Variants in CCDC6 observed in about 807,000 individuals in gnomAD.
The protein encoded by CCDC6 is coiled-coil domain containing 6, also known as coiled-coil domain-containing protein 6.
CCDC6 carries 20 observed loss-of-function variants against 56.6 expected under a neutral mutation model. That is an observed-to-expected ratio of 0.35 (90% CI 0.25 to 0.51). The LOEUF (loss-of-function observed/expected upper bound fraction) is 0.51. Among genes scored for constraint, CCDC6 ranks in the 20% least tolerant of loss-of-function variants. CCDC6 has a pLI of 0.95. For missense variants in CCDC6, 367 were observed against 601.1 expected (o/e 0.61, Z 4.07); for synonymous variants, 241 against 234.4 (o/e 1.03, Z -0.26).
intron 1 of CCDC6, among the ~76,000 whole-genome samples, chr10:59,867,512 G>A (rs1034530851): frequency 8.5e-5 from 13 of 152,152 alleles, no homozygotes; most frequent in African/African-American, 2.4e-4. Context: ...TTAACATAAC[G>A]CAGACATTCC....
chr10:59,807,173 C>A, intron 5 of CCDC6, 95 bp from the exon 6 acceptor site: 1 of 1,094,630 alleles, frequency 9.1e-7, no homozygotes, highest in Non-Finnish European at 1.3e-6. Context: ...ATGCCATAGA[C>A]AGAGGGAATT....
chr10:59,836,190 C>G (rs550148605), intron 2 of CCDC6, among the ~76,000 whole-genome samples: 54 of 151,192 alleles, frequency 3.6e-4, no homozygotes, highest in Admixed American at 1.9e-3. Context: ...GGACTAATAA[C>G]TACAGAACTT....
chr10:59,856,846 T>C (rs1177715845), intron 1 of CCDC6, among the ~76,000 whole-genome samples: 1 of 152,218 alleles, frequency 6.6e-6, no homozygotes, highest in East Asian at 1.9e-4. Flanking sequence ...AACATTTACC[T>C]ATAGCTCTGT....
chr10:59,896,107 T>A (rs1020102258), intron 1 of CCDC6, among the ~76,000 whole-genome samples: 1 of 152,196 alleles, frequency 6.6e-6, no homozygotes, highest in Non-Finnish European at 1.5e-5. Flanking sequence ...CCCTATATGC[T>A]TTTTCCCTTG....
chr10:59,880,289 C>T (rs1315887214), intron 1 of CCDC6, among the ~76,000 whole-genome samples: 2 of 151,966 alleles, frequency 1.3e-5, no homozygotes, highest in African/African-American at 4.8e-5. Flanking sequence ...GGGGACTTTA[C>T]AGCCCTATAG....
intron 1 of CCDC6, among the ~76,000 whole-genome samples, chr10:59,876,589 G>GAAA (rs10714988): frequency 1.5e-4 from 15 of 101,620 alleles, no homozygotes; most frequent in African/African-American, 4.3e-4. Flanking sequence ...TGTTAAGGGG[G>GAAA]AAAAAAAAAA....
chr10:59,866,566 C>T (rs550117025), intron 1 of CCDC6, among the ~76,000 whole-genome samples: 1 of 152,314 alleles, frequency 6.6e-6, no homozygotes, highest in Admixed American at 6.5e-5. Flanking sequence ...GGCAACATGG[C>T]AGGCTCTTCC....
intron 2 of CCDC6, among the ~76,000 whole-genome samples, chr10:59,844,650 G>A (rs3862861): frequency 0.51 from 76,385 of 149,102 alleles, 21,324 homozygotes; most frequent in African/African-American, 0.75. Context: ...TTACTCAGGA[G>A]GCTGAGGCAT....
chr10:59,803,287 T>C (rs1279647548), intron 7 of CCDC6, among the ~76,000 whole-genome samples: 2 of 152,000 alleles, frequency 1.3e-5, no homozygotes, highest in African/African-American at 4.8e-5. Flanking sequence ...CCACCCTTTG[T>C]GCTAGACTTT....
intron 6 of CCDC6, among the ~76,000 whole-genome samples, chr10:59,806,102 C>T (rs926327686): frequency 4.6e-5 from 7 of 152,330 alleles, no homozygotes; most frequent in African/African-American, 1.7e-4. Flanking sequence ...AACGCCAGGG[C>T]ATCGCTGATC....
rs1179645186 is a variant in CCDC6, at chr10:59,882,592, GGGAGAAGGAAAGGAAAGCCGGC to G, written c.303+23508_303+23529del. On this transcript the variant is annotated intron_variant, in intron 1 of 8. Transcript: ENST00000263102. ...CGGGGAGAAGGAAAGGAAAGCCGCG[GGGAGAAGGAAAGGAAAGCCGGC>G]GGGAGAAGGAAAGCCAGGGAGAAGT... 1.7e-4 allele frequency among the ~76,000 whole-genome samples: 8 copies of G among 47,770 alleles called. 2 individuals carry two copies. Among genetic ancestry groups the G allele is most frequent in the African/African-American group, 4.3e-4 (8 of 18,434 alleles). The allele number at this position is 47,770 out of a possible 152,430, so 31.3% of individuals were successfully genotyped here.
chr10:59,887,481 TAAAA>T (rs60170273), intron 1 of CCDC6, among the ~76,000 whole-genome samples: 1 of 136,544 alleles, frequency 7.3e-6, no homozygotes, highest in Non-Finnish European at 1.6e-5. Context: ...ATGCAACTGT[TAAAA>T]AAAAAAAAAA....
intron 7 of CCDC6, 134 bp downstream of exon 7, chr10:59,804,286 T>C: frequency 1.6e-6 from 1 of 613,594 alleles, no homozygotes; most frequent in Non-Finnish European, 3.0e-6. Flanking sequence ...TGATGAGTTT[T>C]TGATGTTTTT....
chr10:59,839,782 C>T (rs994878033), intron 2 of CCDC6, among the ~76,000 whole-genome samples: 5 of 152,122 alleles, frequency 3.3e-5, no homozygotes, highest in Admixed American at 2.6e-4. Context: ...GCTATTTATA[C>T]CACAGTCTAT....
At chr10:59,807,200 T>C in intron 5 of CCDC6, 122 bp from the exon 6 acceptor site, 4 of 867,560 alleles carry the variant, frequency 4.6e-6, no homozygotes, top group Non-Finnish European at 7.0e-6. Context: ...AGATGGTCTT[T>C]CTGGTCGGGT....
chr10:59,863,748 A>T (rs551067654), intron 1 of CCDC6, among the ~76,000 whole-genome samples: 95 of 152,258 alleles, frequency 6.2e-4, no homozygotes, highest in Non-Finnish European at 9.7e-4. Context: ...TATATCAGAA[A>T]TATCAATGAA....
chr10:59,861,673 T>TA (rs770574735), intron 1 of CCDC6, among the ~76,000 whole-genome samples: 1 of 152,122 alleles, frequency 6.6e-6, no homozygotes, highest in Non-Finnish European at 1.5e-5. Context: ...AAAAACTAAT[T>TA]AGAGATGAAG....
chr10:59,805,237 C>T (rs2070610387), intron 6 of CCDC6: 1 of 152,294 alleles, frequency 6.6e-6, no homozygotes, highest in South Asian at 2.1e-4. Flanking sequence ...CCTGATAAAC[C>T]ATCCTGCACG....
chr10:59,886,571 T>A (rs2071384605), intron 1 of CCDC6, among the ~76,000 whole-genome samples: 1 of 152,160 alleles, frequency 6.6e-6, no homozygotes, highest in South Asian at 2.1e-4. Flanking sequence ...TCCAAAGAAG[T>A]AAATATACAG....
Sources: allele counts gnomAD v4.1 joint callset (sites outside exome capture counted in the v4.1 genomes callset), GRCh38; gene constraint gnomAD v4.1.1; transcripts MANE v1.5; gene names NCBI Gene and HGNC (gene_info 2026-07-23, HGNC 2026-07-21).